Variants in ST8SIA4 observed in about 807,000 individuals in gnomAD.
ST8SIA4 encodes the protein ST8 alpha-N-acetyl-neuraminide alpha-2,8-sialyltransferase 4.
ST8SIA4 carries 15 observed loss-of-function variants against 33.9 expected under a neutral mutation model. The observed-to-expected ratio is 0.44, with a 90% CI of 0.30 to 0.68. The LOEUF (loss-of-function observed/expected upper bound fraction) is 0.68, where lower values mean the gene tolerates loss of function less well. Ranked by LOEUF, ST8SIA4 falls within the 30% of genes least tolerant of loss-of-function variation. The probability of loss-of-function intolerance (pLI) is 0.10; values close to 1 mark genes in which losing one functional copy is unlikely to be tolerated. For synonymous variants in ST8SIA4, 171 were observed against 151.2 expected (o/e 1.13, Z -0.96); for missense variants, 321 against 428.0 (o/e 0.75, Z 2.21).
At chr5:100,856,452 A>G (rs1751815639) in intron 3 of ST8SIA4, 56 bp from the exon 4 acceptor site, 2 of 1,488,488 alleles carry the variant, frequency 1.3e-6, no homozygotes, top group South Asian at 1.3e-5. Context: ...TTCACTGGTA[A>G]AATGGTGTTC....
At chr5:100,816,492 G>A (rs771641360) in intron 4 of ST8SIA4, 4 of 524,542 alleles carry the variant, frequency 7.6e-6, no homozygotes, top group Middle Eastern at 4.7e-4. Flanking sequence ...GTATTACATT[G>A]GTGCAAAAGT....
chr5:100,825,117 T>C (rs1301389422), intron 4 of ST8SIA4, among the ~76,000 whole-genome samples: 1 of 152,110 alleles, frequency 6.6e-6, no homozygotes, highest in Non-Finnish European at 1.5e-5. Context: ...GATTATTCAC[T>C]GTCAGAGAAA....
At chr5:100,888,648 G>T (rs773270843) in intron 2 of ST8SIA4, among the ~76,000 whole-genome samples, 5 of 151,848 alleles carry the variant, frequency 3.3e-5, no homozygotes, top group South Asian at 2.1e-4. Flanking sequence ...TTATTAGTGA[G>T]AGCAGAATAT....
At chr5:100,844,754 T>C (rs1337986839) in intron 4 of ST8SIA4, among the ~76,000 whole-genome samples, 1 of 152,006 alleles carries the variant, frequency 6.6e-6, no homozygotes, top group Non-Finnish European at 1.5e-5. Flanking sequence ...ATCAAATAAC[T>C]GAAAAAGATT....
chr5:100,888,075 G>C (rs1752579804), intron 2 of ST8SIA4, among the ~76,000 whole-genome samples: 1 of 151,764 alleles, frequency 6.6e-6, no homozygotes, highest in Non-Finnish European at 1.5e-5. Flanking sequence ...GGAAAGGATA[G>C]GTCAGAGTAA....
At chr5:100,866,744 G>T (rs1047907673) in intron 3 of ST8SIA4, among the ~76,000 whole-genome samples, 1 of 152,006 alleles carries the variant, frequency 6.6e-6, no homozygotes, top group Non-Finnish European at 1.5e-5. Context: ...AAACACAGAG[G>T]ATGGGTGACC....
intron 1 of ST8SIA4, among the ~76,000 whole-genome samples, chr5:100,896,904 CA>C (rs1376698912): frequency 6.6e-6 from 1 of 152,078 alleles, no homozygotes; most frequent in East Asian, 1.9e-4. Context: ...CTTGGAATAT[CA>C]GGTGATCTGG....
At chr5:100,869,952 C>T (rs900691983) in intron 3 of ST8SIA4, among the ~76,000 whole-genome samples, 3 of 152,178 alleles carry the variant, frequency 2.0e-5, no homozygotes, top group African/African-American at 7.2e-5. Context: ...CACCCATTAA[C>T]TCATCATTTA....
At chr5:100,828,857 A>T (rs1751195401) in intron 4 of ST8SIA4, among the ~76,000 whole-genome samples, 2 of 152,160 alleles carry the variant, frequency 1.3e-5, no homozygotes, top group South Asian at 2.1e-4. Flanking sequence ...TATTCCTGGG[A>T]AATTTTCTCA....
intron 4 of ST8SIA4, among the ~76,000 whole-genome samples, chr5:100,834,929 A>C (rs1751338956): frequency 6.6e-6 from 1 of 152,164 alleles, no homozygotes; most frequent in Non-Finnish European, 1.5e-5. Context: ...ACCCAGCCTC[A>C]GTTATCTCTT....
intron 4 of ST8SIA4, among the ~76,000 whole-genome samples, chr5:100,826,391 T>G (rs982495926): frequency 7.9e-5 from 12 of 152,272 alleles, no homozygotes; most frequent in Admixed American, 4.6e-4. Context: ...AATTACAAAT[T>G]GCTTACATCT....
chr5:100,901,664 T>C (rs915509288), intron 1 of ST8SIA4, among the ~76,000 whole-genome samples: 2 of 152,168 alleles, frequency 1.3e-5, no homozygotes, highest in Non-Finnish European at 2.9e-5. Flanking sequence ...GCTTTTTCAT[T>C]CTCTTCCAGT....
chr5:100,882,234 A>T (rs1752442312), intron 3 of ST8SIA4, among the ~76,000 whole-genome samples: 1 of 152,176 alleles, frequency 6.6e-6, no homozygotes, highest in African/African-American at 2.4e-5. Context: ...GAGATGAGGA[A>T]CTTGTTGGGA....
chr5:100,872,409 A>G (rs989059845), intron 3 of ST8SIA4, among the ~76,000 whole-genome samples: 3 of 152,088 alleles, frequency 2.0e-5, no homozygotes, highest in Non-Finnish European at 1.5e-5. Context: ...TAGTCAGCCT[A>G]TTGTGTCATA....
At chr5:100,900,768 G>T (rs1752890956) in intron 1 of ST8SIA4, among the ~76,000 whole-genome samples, 1 of 133,334 alleles carries the variant, frequency 7.5e-6, no homozygotes, top group Non-Finnish European at 1.6e-5. Context: ...GGTGGGGGGT[G>T]GGGGTGGGGT....
At chr5:100,869,921 A>T (rs1677142625) in intron 3 of ST8SIA4, among the ~76,000 whole-genome samples, 1 of 152,180 alleles carries the variant, frequency 6.6e-6, no homozygotes, top group Non-Finnish European at 1.5e-5. Flanking sequence ...ATATGTATAC[A>T]TGTGCCATGT....
chr5:100,894,566 C>T (rs576979354), intron 2 of ST8SIA4, among the ~76,000 whole-genome samples: 17 of 152,144 alleles, frequency 1.1e-4, no homozygotes, highest in Admixed American at 6.5e-4. Context: ...ATTCCTACAT[C>T]GCCCTGATGC....
In ST8SIA4 at chr5:100,851,019, G is replaced by T. The variant is rs181987366; in HGVS notation, c.797+5084C>A. ...CTGTTGCCCAGGGTGGAGTGCAGTGGCATGATCTCAACTCATTGCAACCTC... is the reference window on the plus strand; with the variant it reads ...CTGTTGCCCAGGGTGGAGTGCAGTGTCATGATCTCAACTCATTGCAACCTC... On this transcript the variant is annotated intron_variant, in intron 4 of 4. Coordinates refer to ENST00000231461, the MANE Select transcript of ST8SIA4 (RefSeq NM_005668.6). 4.9e-4 allele frequency among the ~76,000 whole-genome samples: 68 copies of T among 140,174 alleles called. 1 individual carries two copies. In the East Asian group the frequency reaches 0.014, roughly 29 times the overall value. The allele number at this position is 140,174 out of a possible 152,430, so 92.0% of individuals were successfully genotyped here.
chr5:100,845,720 CAATT>C (rs1194581740), intron 4 of ST8SIA4, among the ~76,000 whole-genome samples: 1 of 151,844 alleles, frequency 6.6e-6, no homozygotes, highest in Non-Finnish European at 1.5e-5. Flanking sequence ...AAAATAATGA[CAATT>C]AATTTATTTC....
Sources: allele counts gnomAD v4.1 joint callset (sites outside exome capture counted in the v4.1 genomes callset), GRCh38; gene constraint gnomAD v4.1.1; transcripts MANE v1.5; gene names NCBI Gene and HGNC (gene_info 2026-07-23, HGNC 2026-07-21).